Variants in SLC25A43 observed in about 807,000 individuals in gnomAD.
SLC25A43 encodes solute carrier family 25, member 43.
SLC25A43 carries 10 observed loss-of-function variants against 22.8 expected under a neutral mutation model. The ratio of observed to expected loss-of-function variants is 0.44; its 90% CI spans 0.27 to 0.74. The LOEUF is 0.74. SLC25A43 is among the 30% of genes least tolerant of loss of function. The pLI, the probability that SLC25A43 is intolerant of heterozygous loss-of-function variation, is 0.17. For missense variants in SLC25A43, 233 were observed against 279.1 expected (o/e 0.83, Z 1.18); for synonymous variants, 106 against 121.6 (o/e 0.87, Z 0.84).
rs2052218587 is a variant in SLC25A43 at position 119,399,631 on chromosome X, C to T, written c.228C>T (p.Cys76=). 9.8e-7 allele frequency: 1 copy of T among 1,018,376 alleles called. No individual in the cohort carries two copies. Among genetic ancestry groups the T allele is most frequent in the Non-Finnish European group, 1.2e-6 (1 of 803,076 alleles). The allele number at this position is 1,018,376 out of a possible 1,213,427, so 83.9% of individuals were successfully genotyped here. The change falls in exon 1 of 5, where the codon TGC becomes TGT. Residue 76 remains cysteine (C), a synonymous_variant. Coordinates refer to ENST00000217909, the MANE Select transcript of SLC25A43 (RefSeq NM_145305.3). ...TGTGGAAGGGGAACGCGGTGGCGTG[C>T]CTGCGCCTCTTCCCCTGCAGCGCCG... The part of the protein sequence containing the change: ...RALWKGNAVA[C]LRLFPCSAVQ...
chrX:119,429,443 G>A (rs942859939), intron 3 of SLC25A43, among the ~76,000 whole-genome samples: 4 of 112,044 alleles, frequency 3.6e-5, no homozygotes, highest in Non-Finnish European at 5.6e-5. Context: ...AGACCTCTGA[G>A]GAATTTATCA....
rs1233586122 is a variant in SLC25A43 at position 119,406,031 on chromosome X, CA to C, written c.276-416del. Among the ~76,000 whole-genome samples, 482 of 88,615 alleles carry C rather than the reference CA, an allele frequency of 5.4e-3. 2 individuals carry two copies. Among genetic ancestry groups the C allele is most frequent in the African/African-American group, 0.016 (399 of 24,321 alleles). The allele number at this position is 88,615 out of a possible 115,157, so 77.0% of individuals were successfully genotyped here. A position where few individuals can be genotyped will look rare whatever the true frequency, so the allele number is the denominator to read the frequency against. ...TGGCCAACAAAGTGAGACTCTGCCT[CA>C]AAAAAAAAAAAACGTAATTACTGAG... On this transcript the variant is annotated intron_variant, in intron 1 of 4. Transcript: ENST00000217909.
intron 3 of SLC25A43, among the ~76,000 whole-genome samples, chrX:119,413,532 C>T (rs1397542933): frequency 1.8e-5 from 2 of 110,658 alleles, no homozygotes; most frequent in African/African-American, 6.6e-5. Context: ...ATGGCGAAAC[C>T]CCGTCTCTAC....
intron 3 of SLC25A43, among the ~76,000 whole-genome samples, chrX:119,433,580 ACTT>A (rs1389213501): frequency 1.8e-5 from 2 of 112,026 alleles, no homozygotes; most frequent in African/African-American, 6.5e-5. Flanking sequence ...TCTTTAGTAA[ACTT>A]CTTTGGAAAA....
Position 119,452,887 on chromosome X carries a change from T to C in SLC25A43, c.848T>C (p.Met283Thr). ...LLKIVPYFGI[M>T]FSTFEFCKRI... is the part of the protein sequence containing the mutation. ...CAGATAGTTCCATATTTTGGAATTA[T>C]GTTTAGCACCTTTGAGTTCTGCAAG... Residue 283 changes from methionine (M) to threonine (T), a missense_variant, in exon 5 of 5, where the codon ATG becomes ACG. By Grantham distance (81) the Met-to-Thr change is moderately conservative. Transcript: ENST00000217909. 8.3e-7 allele frequency: 1 copy of C among 1,209,724 alleles called. No homozygotes were observed. Among genetic ancestry groups the C allele is most frequent in the Non-Finnish European group, 1.1e-6 (1 of 894,369 alleles).
At chrX:119,399,772 G>T in intron 1 of SLC25A43, 94 bp downstream of exon 1, 1 of 916,315 alleles carries the variant, frequency 1.1e-6, no homozygotes, top group Non-Finnish European at 1.4e-6. Flanking sequence ...TGGACTCGGG[G>T]CCCTGGAGTA....
At chrX:119,452,592 A>C (rs2052715322) in intron 4 of SLC25A43, among the ~76,000 whole-genome samples, 1 of 111,433 alleles carries the variant, frequency 9.0e-6, no homozygotes, top group Non-Finnish European at 1.9e-5. Flanking sequence ...GCATATAGTG[A>C]CAGGTAGTAT....
chrX:119,405,595 CA>C (rs56389948), intron 1 of SLC25A43, among the ~76,000 whole-genome samples: 30 of 51,162 alleles, frequency 5.9e-4, no homozygotes, highest in East Asian at 4.2e-3. Flanking sequence ...CCTATCTCTA[CA>C]AAAAAAAAAA....
intron 3 of SLC25A43, 130 bp downstream of exon 3, chrX:119,410,492 TG>T: frequency 1.5e-6 from 1 of 684,585 alleles, no homozygotes; most frequent in Non-Finnish European, 2.1e-6. Context: ...TCATAAATAC[TG>T]TGCAAACCCC....
intron 3 of SLC25A43, among the ~76,000 whole-genome samples, chrX:119,425,998 A>G (rs12558200): frequency 0.056 from 6,241 of 111,303 alleles, 171 homozygotes; most frequent in South Asian, 0.11. Context: ...CTCCAGCTAA[A>G]CGGTAACAGC....
At chrX:119,405,052 A>G (rs1389383882) in intron 1 of SLC25A43, among the ~76,000 whole-genome samples, 1 of 111,268 alleles carries the variant, frequency 9.0e-6, no homozygotes, top group African/African-American at 3.3e-5. Flanking sequence ...AAGGTCAAAG[A>G]GAGAAAGATT....
At chrX:119,444,577 C>T (rs1407889300) in intron 3 of SLC25A43, among the ~76,000 whole-genome samples, 2 of 109,201 alleles carry the variant, frequency 1.8e-5, no homozygotes, top group African/African-American at 6.7e-5. Flanking sequence ...GTGGCAGGCA[C>T]CTGTAATCCC....
At chrX:119,447,824 C>T (rs762554049) in intron 3 of SLC25A43, among the ~76,000 whole-genome samples, 18 of 110,738 alleles carry the variant, frequency 1.6e-4, no homozygotes, top group Non-Finnish European at 1.9e-4. Context: ...TATCCCCAGG[C>T]TCAAGCCCTA....
chrX:119,446,340 A>G (rs2052668343), intron 3 of SLC25A43, among the ~76,000 whole-genome samples: 1 of 110,873 alleles, frequency 9.0e-6, no homozygotes, highest in South Asian at 3.8e-4. Context: ...CCTGAGGGAA[A>G]GAGACAGGAA....
intron 2 of SLC25A43, among the ~76,000 whole-genome samples, chrX:119,407,369 T>C (rs1268424875): frequency 1.8e-5 from 2 of 111,478 alleles, no homozygotes. Context: ...AAACCCTCCC[T>C]AGGTGGCCTC....
Position 119,417,953 on chromosome X carries a change from TA to T in SLC25A43, c.690+7601del, listed in dbSNP as rs888687528. 2.0e-3 allele frequency among the ~76,000 whole-genome samples: 217 copies of T among 107,919 alleles called. 1 individual carries two copies. Among genetic ancestry groups the T allele is most frequent in the African/African-American group, 6.8e-3 (204 of 29,842 alleles). The allele number at this position is 107,919 out of a possible 115,157, so 93.7% of individuals were successfully genotyped here. A position where few individuals can be genotyped will look rare whatever the true frequency, so the allele number is the denominator to read the frequency against. On this transcript the variant is annotated intron_variant, in intron 3 of 4. Transcript: ENST00000217909. ...TACTAATACTTTGTCCACCCTATGTTAAAAAAAAAATTCACCCCCAAGACAG... is the reference window on the plus strand; with the variant it reads ...TACTAATACTTTGTCCACCCTATGTTAAAAAAAAATTCACCCCCAAGACAG...
chrX:119,426,643 CG>C (rs1328212085), intron 3 of SLC25A43, among the ~76,000 whole-genome samples: 1 of 110,384 alleles, frequency 9.1e-6, no homozygotes, highest in African/African-American at 3.3e-5. Context: ...GCCAACACGA[CG>C]AAACCCCGTC....
chrX:119,443,520 C>G (rs1267600984), intron 3 of SLC25A43, among the ~76,000 whole-genome samples: 5 of 100,871 alleles, frequency 5.0e-5, no homozygotes, highest in Non-Finnish European at 6.0e-5. Context: ...ACAATCTCAG[C>G]TCACTGCAAC....
chrX:119,417,412 C>T (rs1292589655), intron 3 of SLC25A43, among the ~76,000 whole-genome samples: 1 of 110,493 alleles, frequency 9.1e-6, no homozygotes, highest in Non-Finnish European at 1.9e-5. Flanking sequence ...GGTGACAGAG[C>T]GAGACTCTGT....
Sources: gnomAD v4.1 joint callset for allele counts (sites outside exome capture counted in the v4.1 genomes callset) on GRCh38, gnomAD v4.1.1 for gene constraint, MANE v1.5 for transcripts, NCBI Gene and HGNC (gene_info 2026-07-23, HGNC 2026-07-21) for gene names.